KNTC1: variants seen among roughly 807,000 people sequenced by gnomAD.
KNTC1 encodes the protein kinetochore associated 1, also known as kinetochore-associated protein 1.
Under a neutral mutation model 314.4 loss-of-function variants are expected in KNTC1, and 253 were observed. That is an observed-to-expected ratio of 0.80 (90% CI 0.73 to 0.89). The LOEUF (loss-of-function observed/expected upper bound fraction) is 0.89. KNTC1 is among the 40% of genes least tolerant of loss of function. KNTC1 has a pLI of 0.00. For missense variants in KNTC1, 2,475 were observed against 2,572.9 expected (o/e 0.96, Z 0.82); for synonymous variants, 901 against 901.4 (o/e 1.00, Z 0.01).
intron 24 of KNTC1, among the ~76,000 whole-genome samples, chr12:122,571,779 C>T (rs558401836): frequency 5.3e-5 from 8 of 152,132 alleles, no homozygotes; most frequent in Admixed American, 4.6e-4. Context: ...AAGCAATTCT[C>T]CTGCCTCAGC....
intron 51 of KNTC1, among the ~76,000 whole-genome samples, chr12:122,607,353 C>T (rs967118558): frequency 2.6e-5 from 4 of 152,120 alleles, no homozygotes; most frequent in African/African-American, 4.8e-5. Context: ...CATGAGCCAC[C>T]GTGCTTGGCC....
intron 18 of KNTC1, among the ~76,000 whole-genome samples, chr12:122,561,703 C>T (rs956207278): frequency 3.9e-5 from 6 of 152,138 alleles, no homozygotes; most frequent in Non-Finnish European, 8.8e-5. Context: ...GTCCGCCCGC[C>T]TCAGCCTTCC....
At chr12:122,615,594 GGGAC>G in intron 57 of KNTC1, 68 bp downstream of exon 57, 1 of 1,368,868 alleles carries the variant, frequency 7.3e-7, no homozygotes, top group Non-Finnish European at 9.8e-7. Context: ...GTGACTGCTG[GGGAC>G]ACTGGATTAA....
chr12:122,593,266 CTTTTTTTTT>C (rs369511482), intron 42 of KNTC1: 3 of 139,176 alleles, frequency 2.2e-5, no homozygotes, highest in African/African-American at 5.5e-5. Context: ...TTCTTTTTTT[CTTTTTTTTT>C]TTTTTTTGAG....
Position 122,552,010 on chromosome 12 carries a change from C to T in KNTC1, c.1272+314C>T, listed in dbSNP as rs144702665. Among the ~76,000 whole-genome samples, 141 of 152,072 alleles carry T rather than the reference C, an allele frequency of 9.3e-4. 1 individual carries two copies. The Middle Eastern group carries it at 0.01, about 11-fold the overall frequency. ...GCAACCTCCGCCTCCTGGGTTCAAG[C>T]GATTCTCCTGCCTCAGCCTACCGAG... On this transcript the variant is annotated intron_variant, in intron 16 of 63. Transcript: ENST00000333479.
intron 57 of KNTC1, chr12:122,617,321 G>T: frequency 2.6e-6 from 1 of 387,122 alleles, no homozygotes; most frequent in South Asian, 1.9e-5. Context: ...AGAATATGTG[G>T]TAAAATATAC....
chr12:122,604,168 CTTTTTTT>C (rs1163057379), intron 48 of KNTC1, among the ~76,000 whole-genome samples: 13 of 100,362 alleles, frequency 1.3e-4, no homozygotes, highest in Admixed American at 1.2e-3. Flanking sequence ...CCCCGGTGGG[CTTTTTTT>C]TTTTTTTTTT....
At chr12:122,602,371 G>A (rs1006803032) in intron 45 of KNTC1, 198 bp from the exon 46 acceptor site, 1 of 431,554 alleles carries the variant, frequency 2.3e-6, no homozygotes, top group Non-Finnish European at 4.1e-6. Flanking sequence ...CTCCTCATAG[G>A]ATTCCTTTAA....
rs191700717 is a variant in KNTC1 at position 122,623,529 on chromosome 12, T to C, written c.6515+922T>C. On this transcript the variant is annotated intron_variant, in intron 62 of 63. Coordinates refer to ENST00000333479, the MANE Select transcript of KNTC1 (RefSeq NM_014708.6). ...ATTGTCATTTTTGAGCAAGTATTTT[T>C]TGAGTTATAATTGATACATATAATA... Among the ~76,000 whole-genome samples the C allele has an allele frequency of 4.6e-5, 7 of 152,286 alleles. No individual in the cohort carries two copies. In the East Asian group the frequency reaches 7.7e-4, roughly 17 times the overall value.
At chr12:122,593,821 G>C (rs1278717796) in intron 42 of KNTC1, 1 of 155,078 alleles carries the variant, frequency 6.4e-6, no homozygotes, top group Non-Finnish European at 1.4e-5. Flanking sequence ...GGCCAAGCTG[G>C]TCTCAAACTC....
chr12:122,539,040 G>C (rs1593486676), intron 4 of KNTC1, among the ~76,000 whole-genome samples: 1 of 152,330 alleles, frequency 6.6e-6, no homozygotes, highest in East Asian at 1.9e-4. Flanking sequence ...TCCTGATTTA[G>C]TAACCTTGGA....
At chr12:122,533,655 T>C (rs1961561034) in intron 2 of KNTC1, among the ~76,000 whole-genome samples, 1 of 152,072 alleles carries the variant, frequency 6.6e-6, no homozygotes, top group Non-Finnish European at 1.5e-5. Context: ...TATGATGGCA[T>C]CACTGCATTC....
chr12:122,588,664 A>G, intron 39 of KNTC1, 48 bp from the exon 40 acceptor site: 1 of 1,307,096 alleles, frequency 7.7e-7, no homozygotes, highest in Non-Finnish European at 1.0e-6. Flanking sequence ...AATTTTCAGA[A>G]TGTTATATAG....
chr12:122,528,166 G>A (rs183513863), intron 1 of KNTC1, among the ~76,000 whole-genome samples: 2 of 152,306 alleles, frequency 1.3e-5, no homozygotes, highest in African/African-American at 2.4e-5. Flanking sequence ...AAATATGGCA[G>A]TTACGGGCGG....
chr12:122,612,345 C>T lies in KNTC1; in HGVS notation c.5623-767C>T, dbSNP rs556840191. On this transcript the variant is annotated intron_variant, in intron 53 of 63. Coordinates refer to ENST00000333479, the MANE Select transcript of KNTC1 (RefSeq NM_014708.6). ...GCTCCCAAAGTGCTGGGATTACAGG[C>T]GTGAGCCACTGCACCCAGCCCATCA... Among the ~76,000 whole-genome samples, 10 of 151,600 alleles carry T rather than the reference C, an allele frequency of 6.6e-5. No individual in the cohort carries two copies. The South Asian group carries it at 1.7e-3, about 25-fold the overall frequency.
chr12:122,604,406 C>G (rs1413936965), intron 48 of KNTC1, among the ~76,000 whole-genome samples, 158 bp from the exon 49 acceptor site: 2 of 151,946 alleles, frequency 1.3e-5, no homozygotes, highest in East Asian at 3.9e-4. Context: ...CTTGGCCTCC[C>G]AAAGTGCTGG....
intron 63 of KNTC1, 154 bp downstream of exon 63, chr12:122,624,842 T>C: frequency 1.5e-6 from 1 of 660,728 alleles, no homozygotes; most frequent in Admixed American, 1.9e-5. Flanking sequence ...TAGAGAGTTC[T>C]AAACTAGAAA....
chr12:122,534,529 A>G (rs1430994127), intron 2 of KNTC1, 135 bp from the exon 3 acceptor site: 1 of 745,766 alleles, frequency 1.3e-6, no homozygotes, highest in Non-Finnish European at 2.2e-6. Flanking sequence ...ATGATTAATT[A>G]GATAGAGGGG....
intron 26 of KNTC1, among the ~76,000 whole-genome samples, chr12:122,573,550 A>G (rs1364942352): frequency 6.6e-6 from 1 of 152,188 alleles, no homozygotes; most frequent in Non-Finnish European, 1.5e-5. Flanking sequence ...TACACCCATG[A>G]CACAGCCTCA....
Sources: gnomAD v4.1 joint callset for allele counts (sites outside exome capture counted in the v4.1 genomes callset) on GRCh38, gnomAD v4.1.1 for gene constraint, MANE v1.5 for transcripts, NCBI Gene and HGNC (gene_info 2026-07-23, HGNC 2026-07-21) for gene names.